NEDD4L: variants seen among roughly 807,000 people sequenced by gnomAD.
The protein encoded by NEDD4L is NEDD4 like E3 ubiquitin protein ligase.
In NEDD4L, 54 loss-of-function variants were observed where a neutral mutation model predicts 148.9. The ratio of observed to expected loss-of-function variants is 0.36; its 90% CI spans 0.29 to 0.45. The LOEUF is 0.45. NEDD4L is among the 20% of genes least tolerant of loss of function. The pLI is 1.00. For missense variants in NEDD4L, 856 were observed against 1,233.8 expected, an observed-to-expected ratio of 0.69 and a Z score of 4.59; for synonymous variants, 433 against 440.7, an observed-to-expected ratio of 0.98 and a Z score of 0.22.
In NEDD4L at chr18:58,305,650, G is replaced by A. The variant is rs901853812; in HGVS notation, c.298-10332G>A. ...CCTAAACGAGCACCTGCTAGACTCC[G>A]AAATCTAGTTAATGGAAGTTTCTCC... On this transcript the variant is annotated intron_variant, in intron 5 of 30. Transcript: ENST00000400345. Among the ~76,000 whole-genome samples the A allele has an allele frequency of 7.9e-5, 12 of 152,362 alleles. No individual in the cohort carries two copies. In the South Asian group the frequency reaches 1.4e-3, roughly 18 times the overall value.
chr18:58,266,104 A>T (rs987848827), intron 5 of NEDD4L, among the ~76,000 whole-genome samples: 1 of 152,094 alleles, frequency 6.6e-6, no homozygotes, highest in Admixed American at 6.5e-5. Context: ...GGAAATATAA[A>T]CCATATTTCC....
intron 8 of NEDD4L, 58 bp from the exon 9 acceptor site, chr18:58,324,938 C>G: frequency 6.6e-7 from 1 of 1,508,260 alleles, no homozygotes; most frequent in South Asian, 1.3e-5. Context: ...CTGTGATGAC[C>G]TCTTACTCAC....
intron 1 of NEDD4L, among the ~76,000 whole-genome samples, chr18:58,096,544 C>T (rs2084423523): frequency 6.6e-6 from 1 of 152,076 alleles, no homozygotes; most frequent in African/African-American, 2.4e-5. Flanking sequence ...GCTGGGATTA[C>T]AGGCATGCAC....
intron 1 of NEDD4L, among the ~76,000 whole-genome samples, chr18:58,136,988 C>CA (rs2032922769): frequency 6.6e-6 from 1 of 152,180 alleles, no homozygotes; most frequent in Admixed American, 6.5e-5. Flanking sequence ...CTCCTGTAGA[C>CA]ATTATCTTAA....
chr18:58,195,689 C>T lies in NEDD4L; in HGVS notation c.122+29828C>T, dbSNP rs188117986. 4 of 1,352,120 alleles carry T rather than the reference C, an allele frequency of 3.0e-6. No individual in the cohort carries two copies. The East Asian group carries it at 1.4e-4, about 46-fold the overall frequency. The allele number at this position is 1,352,120 out of a possible 1,614,324, so 83.8% of individuals were successfully genotyped here. A position where few individuals can be genotyped will look rare whatever the true frequency, so the allele number is the denominator to read the frequency against. Reference sequence around the variant, plus strand: ...ACCATCTGCATCTAGACCTGCCTCTCTCTCCGCTCCCCACTTCAGACGAGC... The same window carrying T: ...ACCATCTGCATCTAGACCTGCCTCTTTCTCCGCTCCCCACTTCAGACGAGC... On this transcript the variant is annotated intron_variant, in intron 2 of 30. Transcript: ENST00000400345.
At chr18:58,280,106 C>G (rs2052781939) in intron 5 of NEDD4L, among the ~76,000 whole-genome samples, 1 of 152,130 alleles carries the variant, frequency 6.6e-6, no homozygotes. Context: ...TGGGGTCTCA[C>G]TGTGTTTCCC....
intron 1 of NEDD4L, among the ~76,000 whole-genome samples, chr18:58,148,035 C>A (rs1386732352): frequency 6.7e-6 from 1 of 150,322 alleles, no homozygotes; most frequent in Middle Eastern, 3.2e-3. Flanking sequence ...GGAGTCCACC[C>A]CTCTCTCCCC....
Position 58,256,013 on chromosome 18 carries a change from A to G in NEDD4L, c.297+3959A>G. 8.1e-7 allele frequency: 1 copy of G among 1,230,202 alleles called. No individual in the cohort carries two copies. Among genetic ancestry groups the G allele is most frequent in the Non-Finnish European group, 1.0e-6 (1 of 987,002 alleles). 76.2% of individuals were successfully genotyped at this position (1,230,202 alleles called of 1,614,324 possible). A position where few individuals can be genotyped will look rare whatever the true frequency, so the allele number is the denominator to read the frequency against. On this transcript the variant is annotated intron_variant, in intron 5 of 30. Coordinates refer to ENST00000400345, the MANE Select transcript of NEDD4L (RefSeq NM_001144967.3). The surrounding 1 kb of genome is among the most constrained non-coding windows in gnomAD (Gnocchi z 5.2). The stretch of plus-strand genomic sequence containing the variant: ...GCCTCCATGCGCAACGCCCGACCCC[A>G]GGGACCAGGCCTCCGCCACTGCCAC...
chr18:58,185,116 G>A (rs550360497), intron 2 of NEDD4L, among the ~76,000 whole-genome samples: 1 of 152,250 alleles, frequency 6.6e-6, no homozygotes, highest in Non-Finnish European at 1.5e-5. Flanking sequence ...GCAGTATGGT[G>A]CAAATGTGCA....
intron 1 of NEDD4L, among the ~76,000 whole-genome samples, chr18:58,114,229 C>T (rs2085615813): frequency 6.6e-6 from 1 of 152,048 alleles, no homozygotes; most frequent in Non-Finnish European, 1.5e-5. Flanking sequence ...AGTACTTGGG[C>T]AAATTTGTTA....
intron 5 of NEDD4L, among the ~76,000 whole-genome samples, chr18:58,252,257 A>G (rs1244076826): frequency 2.0e-5 from 3 of 152,230 alleles, no homozygotes; most frequent in Non-Finnish European, 1.5e-5. Context: ...ATGTATTTGT[A>G]TGTGTGTGTA....
intron 1 of NEDD4L, among the ~76,000 whole-genome samples, chr18:58,087,107 T>G (rs977033230): frequency 5.3e-5 from 8 of 152,256 alleles, no homozygotes; most frequent in Non-Finnish European, 1.2e-4. Context: ...TTGCCAGAAT[T>G]GTTCTCTGAG....
At chr18:58,081,847 C>T (rs76665617) in intron 1 of NEDD4L, among the ~76,000 whole-genome samples, 3,392 of 151,872 alleles carry the variant, frequency 0.022, 111 homozygotes, top group African/African-American at 0.077. Context: ...ATAACAAATG[C>T]GTTTTGCATA....
intron 2 of NEDD4L, among the ~76,000 whole-genome samples, chr18:58,241,889 C>A (rs2046677129): frequency 6.6e-6 from 1 of 151,986 alleles, no homozygotes; most frequent in South Asian, 2.1e-4. Flanking sequence ...AAAAAGTTTG[C>A]AAAATAGAAT....
chr18:58,172,932 G>T (rs1289082582), intron 2 of NEDD4L, among the ~76,000 whole-genome samples: 1 of 151,976 alleles, frequency 6.6e-6, no homozygotes, highest in African/African-American at 2.4e-5. Context: ...TTTTTTGAGG[G>T]GTACCTTTTT....
intron 2 of NEDD4L, among the ~76,000 whole-genome samples, chr18:58,207,137 A>G (rs919968879): frequency 6.6e-6 from 1 of 152,232 alleles, no homozygotes; most frequent in Non-Finnish European, 1.5e-5. Flanking sequence ...TGCTTGAAAA[A>G]GATACAAGGA....
At chr18:58,355,741 C>G (rs780930739) in intron 18 of NEDD4L, among the ~76,000 whole-genome samples, 6 of 150,922 alleles carry the variant, frequency 4.0e-5, no homozygotes, top group Non-Finnish European at 8.8e-5. Flanking sequence ...TGAGATTTTT[C>G]ATGTAAATTT....
chr18:58,262,631 G>GAAA (rs11296007), intron 5 of NEDD4L, among the ~76,000 whole-genome samples: 1 of 138,686 alleles, frequency 7.2e-6, no homozygotes, highest in African/African-American at 2.7e-5. Context: ...TCTGTCTCAG[G>GAAA]AAAAAAAAAA....
At chr18:58,205,246 A>C (rs1359106903) in intron 2 of NEDD4L, among the ~76,000 whole-genome samples, 1 of 152,216 alleles carries the variant, frequency 6.6e-6, no homozygotes, top group African/African-American at 2.4e-5. Flanking sequence ...GCACAGGCAC[A>C]GTTGTGGGTT....
Sources: gnomAD v4.1 joint callset for allele counts (sites outside exome capture counted in the v4.1 genomes callset) on GRCh38, gnomAD v4.1.1 for gene constraint, Gnocchi (gnomAD v3.1) non-coding constraint, MANE v1.5 for transcripts, NCBI Gene and HGNC (gene_info 2026-07-23, HGNC 2026-07-21) for gene names.